IQGAP1: variants seen among roughly 807,000 people sequenced by gnomAD.
The protein encoded by IQGAP1 is ras GTPase-activating-like protein IQGAP1.
Under a neutral mutation model 215.6 loss-of-function variants are expected in IQGAP1, and 66 were observed. That is an observed-to-expected ratio of 0.31 (90% confidence interval 0.25 to 0.38). IQGAP1 has a LOEUF of 0.38. Ranked by LOEUF, IQGAP1 falls within the 10% of genes least tolerant of loss-of-function variation. IQGAP1 has a pLI of 1.00. For missense variants in IQGAP1, 1,712 were observed against 1,997.1 expected (o/e 0.86, Z 2.72); for synonymous variants, 772 against 728.7 (o/e 1.06, Z -0.96).
intron 15 of IQGAP1, among the ~76,000 whole-genome samples, chr15:90,462,586 G>A (rs1965778486): frequency 1.3e-5 from 2 of 152,194 alleles, no homozygotes; most frequent in African/African-American, 2.4e-5. Flanking sequence ...AAGCCACATA[G>A]TAAGTAAAGT....
intron 2 of IQGAP1, among the ~76,000 whole-genome samples, chr15:90,394,760 G>A (rs1339236206): frequency 6.6e-6 from 1 of 151,544 alleles, no homozygotes; most frequent in Non-Finnish European, 1.5e-5. Flanking sequence ...GAGATTGGAG[G>A]GAGAAAAGCT....
intron 2 of IQGAP1, among the ~76,000 whole-genome samples, chr15:90,410,406 A>G (rs757365565): frequency 1.3e-5 from 2 of 152,204 alleles, no homozygotes; most frequent in African/African-American, 2.4e-5. Context: ...CTGCGGCACT[A>G]TTCATGATAG....
intron 9 of IQGAP1, 144 bp from the exon 10 acceptor site, chr15:90,448,429 C>A: frequency 1.5e-6 from 1 of 680,452 alleles, no homozygotes; most frequent in Non-Finnish European, 2.3e-6. Flanking sequence ...ATCCCAAGAT[C>A]TTATGCTTCT....
rs368859814 is a variant in IQGAP1, at chr15:90,400,105, A to G, written c.155+9232A>G. Among the ~76,000 whole-genome samples, 13 of 152,118 alleles carry G rather than the reference A, an allele frequency of 8.5e-5. No individual in the cohort carries two copies. The South Asian group carries it at 1.7e-3, about 19-fold the overall frequency. On this transcript the variant is annotated intron_variant, in intron 2 of 37. Transcript: ENST00000268182. ...CCCCAGTTAACATGTTAGGGTTGCTATTGGCTTAGCAATTTTGCCTGCAAT... is the reference window on the plus strand; with the variant it reads ...CCCCAGTTAACATGTTAGGGTTGCTGTTGGCTTAGCAATTTTGCCTGCAAT...
intron 2 of IQGAP1, among the ~76,000 whole-genome samples, chr15:90,411,251 A>G (rs1244123150): frequency 1.3e-5 from 2 of 152,012 alleles, no homozygotes; most frequent in Non-Finnish European, 2.9e-5. Context: ...GAAGGCAAGT[A>G]CTACGTTCTT....
chr15:90,462,564 C>T (rs1965778395), intron 15 of IQGAP1, among the ~76,000 whole-genome samples: 1 of 152,190 alleles, frequency 6.6e-6, no homozygotes, highest in Non-Finnish European at 1.5e-5. Flanking sequence ...TCTATCATCA[C>T]ACATGCAAAC....
At chr15:90,475,958 CAG>C (rs1245119942) in intron 23 of IQGAP1, among the ~76,000 whole-genome samples, 3 of 151,696 alleles carry the variant, frequency 2.0e-5, no homozygotes, top group Non-Finnish European at 2.9e-5. Flanking sequence ...TTTTTTGAAA[CAG>C]AGTTTCCCTC....
At chr15:90,440,042 T>TA in intron 6 of IQGAP1, among the ~76,000 whole-genome samples, 1 of 152,356 alleles carries the variant, frequency 6.6e-6, no homozygotes, top group South Asian at 2.1e-4. Context: ...AGGGAAGTTA[T>TA]TCACCAGACC....
intron 1 of IQGAP1, among the ~76,000 whole-genome samples, chr15:90,390,295 C>T (rs944380464): frequency 3.9e-5 from 6 of 152,214 alleles, no homozygotes; most frequent in African/African-American, 1.2e-4. Context: ...GCTGAGTTCA[C>T]CCAGCCTCAG....
intron 15 of IQGAP1, among the ~76,000 whole-genome samples, chr15:90,458,971 C>T (rs752160617): frequency 6.6e-6 from 1 of 152,110 alleles, no homozygotes; most frequent in Admixed American, 6.6e-5. Flanking sequence ...ATAAAATTGC[C>T]CACTCCTCTA....
At position 90,473,960 on chromosome 15, in the gene IQGAP1, G is replaced by A. The variant is rs372386381; in HGVS notation, c.2498G>A (p.Arg833Gln). The part of the protein sequence containing the change: ...KRYRDRLQYF[R>Q]DHINDIIKIQ... ...TATCGAGATCGCCTGCAGTACTTCC[G>A]GGACCATGTAAGCACCCTTGGATCA... The change falls in exon 21 of 38, where the codon CGG becomes CAG. Residue 833 changes from arginine to glutamine, a missense_variant. Arg to Gln is a conservative substitution (Grantham distance 43). Transcript: ENST00000268182. 31 of 1,613,890 alleles carry A rather than the reference G, an allele frequency of 1.9e-5. No individual in the cohort carries two copies. In the Middle Eastern group the frequency reaches 4.9e-4, roughly 26 times the overall value.
chr15:90,460,082 A>AC (rs1354934849), intron 15 of IQGAP1, among the ~76,000 whole-genome samples: 2 of 151,866 alleles, frequency 1.3e-5, no homozygotes, highest in Non-Finnish European at 2.9e-5. Context: ...CCCGATGCAG[A>AC]CCCCAAGAGA....
intron 18 of IQGAP1, among the ~76,000 whole-genome samples, chr15:90,468,437 A>G (rs1461271836): frequency 1.4e-4 from 22 of 152,226 alleles, no homozygotes; most frequent in Admixed American, 1.4e-3. Context: ...ATAGTCATGA[A>G]CCAAACAAAG....
chr15:90,409,095 A>G (rs17176399), intron 2 of IQGAP1, among the ~76,000 whole-genome samples: 18,210 of 152,092 alleles, frequency 0.12, 1,138 homozygotes, highest in Non-Finnish European at 0.13. Context: ...TTTCCCAACT[A>G]TAACTTGCAC....
chr15:90,456,230 C>T lies in IQGAP1; in HGVS notation c.1691C>T (p.Pro564Leu), dbSNP rs1166685205. ...AAGACTCTGCAGGCCCTACAGATTC[C>T]TGCAGCTAAACTTGAGGGAGTCCTT... is the stretch of plus-strand genomic sequence containing the variant. ...AQKTLQALQI[P>L]AAKLEGVLAE... Residue 564 changes from proline to leucine, a missense_variant, in exon 15 of 38, where the codon CCT (proline) becomes CTT (leucine). By Grantham distance (98) the Pro-to-Leu change is moderately conservative. Coordinates refer to ENST00000268182, the MANE Select transcript of IQGAP1 (RefSeq NM_003870.4). 2.5e-6 allele frequency: 4 copies of T among 1,613,980 alleles called. No individual in the cohort carries two copies. Among genetic ancestry groups the T allele is most frequent in the Non-Finnish European group, 3.4e-6 (4 of 1,180,012 alleles).
intron 2 of IQGAP1, among the ~76,000 whole-genome samples, chr15:90,407,824 G>A (rs1201820860): frequency 2.6e-5 from 4 of 152,146 alleles, no homozygotes; most frequent in African/African-American, 9.7e-5. Flanking sequence ...AGGACACTCT[G>A]GGAGAACTGA....
chr15:90,461,132 C>T (rs1211636236), intron 15 of IQGAP1, among the ~76,000 whole-genome samples: 3 of 151,556 alleles, frequency 2.0e-5, no homozygotes, highest in African/African-American at 4.9e-5. Flanking sequence ...CATGGTGAAA[C>T]TCCATCTCTA....
chr15:90,492,756 G>C, intron 35 of IQGAP1, 45 bp downstream of exon 35: 1 of 1,530,282 alleles, frequency 6.5e-7, no homozygotes, highest in South Asian at 1.2e-5. Flanking sequence ...GAATTAGAGT[G>C]AGGAAAAAGC....
intron 36 of IQGAP1, among the ~76,000 whole-genome samples, chr15:90,495,203 T>C (rs997588502): frequency 6.6e-6 from 1 of 152,190 alleles, no homozygotes; most frequent in African/African-American, 2.4e-5. Context: ...CAGGCACTTA[T>C]CTTCATTTGC....
Sources: gnomAD v4.1 joint callset for allele counts (sites outside exome capture counted in the v4.1 genomes callset) on GRCh38, gnomAD v4.1.1 for gene constraint, MANE v1.5 for transcripts, NCBI Gene and HGNC (gene_info 2026-07-23, HGNC 2026-07-21) for gene names.